The following ARHGEF10 variants were observed in gnomAD, a reference collection of about 807,000 sequenced individuals.
ARHGEF10 encodes the protein Rho guanine nucleotide exchange factor 10, also known as Rho guanine nucleotide exchange factor (GEF) 10.
ARHGEF10 carries 140 observed loss-of-function variants against 147.4 expected under a neutral mutation model. That is an observed-to-expected ratio of 0.95 (90% confidence interval 0.83 to 1.09). ARHGEF10 has a LOEUF of 1.09. Ranked by LOEUF, ARHGEF10 falls within the 50% of genes least tolerant of loss-of-function variation. The pLI is 0.00. For synonymous variants in ARHGEF10, 902 were observed against 695.8 expected (o/e 1.30, Z -4.67); for missense variants, 2,222 against 1,752.7 (o/e 1.27, Z -4.78).
intron 1 of ARHGEF10, among the ~76,000 whole-genome samples, chr8:1,831,467 G>A (rs1438013941): frequency 6.6e-6 from 1 of 151,328 alleles, no homozygotes; most frequent in Admixed American, 6.6e-5. Context: ...GCCGTGGAGG[G>A]ACAGTGTGAC....
intron 2 of ARHGEF10, among the ~76,000 whole-genome samples, chr8:1,850,799 G>T (rs1179661490): frequency 6.6e-6 from 1 of 152,174 alleles, no homozygotes; most frequent in Non-Finnish European, 1.5e-5. Context: ...AAGCAGCCAT[G>T]ATGTCCTTCA....
In ARHGEF10 at chr8:1,842,568, G is replaced by A. The variant is rs142665269; in HGVS notation, c.-47-785G>A. On this transcript the variant is annotated intron_variant, in intron 1 of 28. Transcript: ENST00000349830. ...TCCCATGTGCTTTTCCTGATGCGGC[G>A]AGGGCCTGGAGCTGGTGCCTGGTCC... Among the ~76,000 whole-genome samples, 959 of 152,340 alleles carry A rather than the reference G, an allele frequency of 6.3e-3. 18 individuals are homozygous for A. The highest frequency in any genetic ancestry group is 0.022 in the African/African-American group (894 of 41,576).
At chr8:1,875,523 C>T (rs144255776) in intron 7 of ARHGEF10, among the ~76,000 whole-genome samples, 2 of 152,240 alleles carry the variant, frequency 1.3e-5, no homozygotes, top group Non-Finnish European at 2.9e-5. Context: ...CTGCTGGGTG[C>T]CCGGGTGGTG....
At chr8:1,849,842 G>GC (rs1242079180) in intron 2 of ARHGEF10, among the ~76,000 whole-genome samples, 5 of 137,558 alleles carry the variant, frequency 3.6e-5, no homozygotes, top group Admixed American at 7.0e-5. Flanking sequence ...GAGGGCTTGG[G>GC]CGGCCACGTG....
intron 11 of ARHGEF10, among the ~76,000 whole-genome samples, chr8:1,887,337 C>T (rs1808751040): frequency 6.6e-6 from 1 of 152,266 alleles, no homozygotes; most frequent in Non-Finnish European, 1.5e-5. Flanking sequence ...GGACACATGG[C>T]CCAAGCCAAG....
In ARHGEF10 at chr8:1,954,314, G is replaced by A. The variant is rs1340067375; in HGVS notation, c.3520+1487G>A. ...TCATCATGTTGGCCAGGCTGGTCTC[G>A]AACTCCTGAACTCAAGTGATTCGCC... On this transcript the variant is annotated intron_variant, in intron 28 of 28. Transcript: ENST00000349830. Among the ~76,000 whole-genome samples the A allele has an allele frequency of 3.9e-5, 6 of 152,018 alleles. No homozygotes were observed. The East Asian group carries it at 5.8e-4, about 15-fold the overall frequency.
chr8:1,830,648 C>T (rs1018458354), intron 1 of ARHGEF10, among the ~76,000 whole-genome samples: 3 of 152,202 alleles, frequency 2.0e-5, no homozygotes, highest in African/African-American at 7.2e-5. Context: ...GGGTGTGAAC[C>T]GCAGAGACCA....
At chr8:1,868,014 A>AT (rs961771898) in intron 6 of ARHGEF10, among the ~76,000 whole-genome samples, 15 of 152,074 alleles carry the variant, frequency 9.9e-5, no homozygotes, top group Admixed American at 3.3e-4. Flanking sequence ...AATTTGTCTG[A>AT]TTTTTTTCTC....
At chr8:1,934,015 G>A (rs1182346498) in intron 26 of ARHGEF10, 73 bp downstream of exon 26, 36 of 1,600,012 alleles carry the variant, frequency 2.2e-5, no homozygotes, top group Middle Eastern at 1.7e-4. Flanking sequence ...TTCTGGTGCC[G>A]AAGTCAAGGC....
rs1485634628 is a variant in ARHGEF10 at position 1,890,360 on chromosome 8, A to T, written c.1183-3209A>T. 3.4e-5 allele frequency among the ~76,000 whole-genome samples: 5 copies of T among 148,900 alleles called. No individual in the cohort carries two copies. In the South Asian group the frequency reaches 1.1e-3, roughly 32 times the overall value. On this transcript the variant is annotated intron_variant, in intron 11 of 28. Coordinates refer to ENST00000349830, the MANE Select transcript of ARHGEF10 (RefSeq NM_014629.4). ...AGTGGGGTGAGAGTTGTGAGGATACACTGAGTTGGGTGAGGAGTCTGTGAG... is the reference window on the plus strand; with the variant it reads ...AGTGGGGTGAGAGTTGTGAGGATACTCTGAGTTGGGTGAGGAGTCTGTGAG...
Position 1,923,095 on chromosome 8 carries a change from A to G in ARHGEF10, c.2259+16A>G, listed in dbSNP as rs184465243. The G allele has an allele frequency of 2.0e-5, 31 of 1,545,512 alleles. No individual in the cohort carries two copies. In the Admixed American group the frequency reaches 5.2e-4, roughly 26 times the overall value. On this transcript the variant is annotated intron_variant, in intron 19 of 28. Transcript: ENST00000349830. Reference sequence around the variant, plus strand: ...AAACTATCAGGTAACAATTGAAGCAATTGGATTTAAGATTCTGCCTTTACT... The same window carrying G: ...AAACTATCAGGTAACAATTGAAGCAGTTGGATTTAAGATTCTGCCTTTACT...
At chr8:1,856,561 T>G (rs564406559) in intron 2 of ARHGEF10, among the ~76,000 whole-genome samples, 163 of 152,344 alleles carry the variant, frequency 1.1e-3, no homozygotes, top group African/African-American at 3.8e-3. Context: ...GGAGGCGACT[T>G]CCCCAGGAGG....
At position 1,873,354 on chromosome 8, in the gene ARHGEF10, A is replaced by G. The variant is rs73180724; in HGVS notation, c.680-3217A>G. Among the ~76,000 whole-genome samples the G allele has an allele frequency of 8.0e-3, 1,222 of 152,196 alleles. 12 individuals carry two copies. The highest frequency in any genetic ancestry group is 0.014 in the Non-Finnish European group (966 of 68,020). ...ATTATATGTGTGTATGTTTATAAGAACTCAGAAGCAATGGTGAGCAAAAAG... is the reference window on the plus strand; with the variant it reads ...ATTATATGTGTGTATGTTTATAAGAGCTCAGAAGCAATGGTGAGCAAAAAG... On this transcript the variant is annotated intron_variant, in intron 7 of 28. Coordinates refer to ENST00000349830, the MANE Select transcript of ARHGEF10 (RefSeq NM_014629.4).
chr8:1,940,021 G>T (rs1297776683), intron 26 of ARHGEF10, among the ~76,000 whole-genome samples: 4 of 152,180 alleles, frequency 2.6e-5, no homozygotes, highest in East Asian at 1.9e-4. Flanking sequence ...GCAACGTAAC[G>T]GGGTGCGAGA....
At chr8:1,824,280 C>G (rs1162224958) in intron 1 of ARHGEF10, among the ~76,000 whole-genome samples, 167 bp downstream of exon 1, 1 of 151,982 alleles carries the variant, frequency 6.6e-6, no homozygotes, top group South Asian at 2.1e-4. Flanking sequence ...ACCCCCTCCC[C>G]CCGAGCAGCT....
intron 10 of ARHGEF10, among the ~76,000 whole-genome samples, chr8:1,884,486 C>A (rs143229783): frequency 1.3e-5 from 2 of 152,102 alleles, no homozygotes; most frequent in African/African-American, 4.8e-5. Context: ...TTTCGTTCTT[C>A]GTCCTGGTTG....
At chr8:1,882,318 G>A (rs925144182) in intron 9 of ARHGEF10, among the ~76,000 whole-genome samples, 9 of 152,184 alleles carry the variant, frequency 5.9e-5, no homozygotes, top group African/African-American at 1.9e-4. Context: ...AATTCGAGGC[G>A]AGTTGTTTGA....
chr8:1,890,196 G>C (rs1442649741), intron 11 of ARHGEF10, among the ~76,000 whole-genome samples: 4 of 133,300 alleles, frequency 3.0e-5, no homozygotes, highest in African/African-American at 5.9e-5. Flanking sequence ...ACACTGAATA[G>C]GGTGAGGGTT....
chr8:1,941,903 T>A (rs908930083), intron 26 of ARHGEF10, among the ~76,000 whole-genome samples: 2 of 152,192 alleles, frequency 1.3e-5, no homozygotes, highest in African/African-American at 4.8e-5. Context: ...CTGGCACAAC[T>A]TCATTCTTCC....
Sources: gnomAD v4.1 joint callset for allele counts (sites outside exome capture counted in the v4.1 genomes callset) on GRCh38, gnomAD v4.1.1 for gene constraint, MANE v1.5 for transcripts, NCBI Gene and HGNC (gene_info 2026-07-23, HGNC 2026-07-21) for gene names.